RUNDC3B: variants seen among roughly 807,000 people sequenced by gnomAD.
RUNDC3B encodes RUN domain containing 3B.
RUNDC3B carries 33 observed loss-of-function variants against 58.4 expected under a neutral mutation model. The observed-to-expected ratio is 0.56, with a 90% CI of 0.43 to 0.75. The LOEUF is 0.75. Ranked by LOEUF, RUNDC3B falls within the 30% of genes least tolerant of loss-of-function variation. RUNDC3B has a pLI of 0.00. For missense variants in RUNDC3B, 501 were observed against 535.7 expected (o/e 0.94, Z 0.64); for synonymous variants, 193 against 195.2 (o/e 0.99, Z 0.10).
intron 4 of RUNDC3B, among the ~76,000 whole-genome samples, chr7:87,737,406 A>C (rs934445820): frequency 6.6e-6 from 1 of 152,108 alleles, no homozygotes; most frequent in Non-Finnish European, 1.5e-5. Context: ...GGAATATTTG[A>C]AAGTATTGAC....
At chr7:87,665,265 C>G (rs1825110225) in intron 2 of RUNDC3B, among the ~76,000 whole-genome samples, 1 of 151,928 alleles carries the variant, frequency 6.6e-6, no homozygotes, top group Admixed American at 6.6e-5. Context: ...AATCAACATA[C>G]AAAAATAAGT....
At chr7:87,784,228 C>T (rs1835088245) in intron 8 of RUNDC3B, among the ~76,000 whole-genome samples, 1 of 152,190 alleles carries the variant, frequency 6.6e-6, no homozygotes, top group Non-Finnish European at 1.5e-5. Context: ...TGATATTTCA[C>T]TCTGGTTAGG....
intron 6 of RUNDC3B, among the ~76,000 whole-genome samples, chr7:87,758,308 C>T (rs978648486): frequency 2.0e-5 from 3 of 152,060 alleles, no homozygotes; most frequent in Non-Finnish European, 4.4e-5. Flanking sequence ...AGCAACAAAG[C>T]AAAACCCAGA....
chr7:87,732,332 A>G lies in RUNDC3B; in HGVS notation c.459-7459A>G, dbSNP rs188280890. Among the ~76,000 whole-genome samples, 47 of 152,304 alleles carry G rather than the reference A, an allele frequency of 3.1e-4. No individual in the cohort carries two copies. The East Asian group carries it at 6.9e-3, about 22-fold the overall frequency. ...AAACTTGAAAAAACTACTTAATGAT[A>G]TATCTTAAAGAACTAGAAAAGAAAG... On this transcript the variant is annotated intron_variant, in intron 4 of 10. Transcript: ENST00000394654.
intron 1 of RUNDC3B, among the ~76,000 whole-genome samples, chr7:87,644,423 A>G (rs1243175554): frequency 6.6e-6 from 1 of 152,232 alleles, no homozygotes; most frequent in African/African-American, 2.4e-5. Context: ...GACATATAAT[A>G]AGGAATATTG....
chr7:87,756,278 A>G (rs1164181298), intron 6 of RUNDC3B, among the ~76,000 whole-genome samples: 3 of 152,068 alleles, frequency 2.0e-5, no homozygotes. Flanking sequence ...ATCATGTAGA[A>G]CAAGTGCTTT....
chr7:87,829,978 AC>A lies in RUNDC3B; in HGVS notation c.1321del (p.Ala442GlnfsTer7). On this transcript the variant is annotated frameshift_variant, in exon 11 of 11. Transcript: ENST00000394654. LOFTEE classifies it high-confidence loss of function. ...KSLTSLKSND[Y>X]LASPTTEMTS... ...CTAACAAGCTTAAAATCTAATGACT[AC>A]CTTGCAAGTCCTACAACAGAGATGA... 6.2e-7 allele frequency: 1 copy of A among 1,609,722 alleles called. No homozygotes were observed. Among genetic ancestry groups the A allele is most frequent in the South Asian group, 1.1e-5 (1 of 90,422 alleles).
chr7:87,827,632 C>T (rs986209818), intron 10 of RUNDC3B, among the ~76,000 whole-genome samples: 1 of 152,018 alleles, frequency 6.6e-6, no homozygotes, highest in African/African-American at 2.4e-5. Flanking sequence ...CAGGATTATA[C>T]AACAAATAAT....
chr7:87,732,566 G>A (rs971338316), intron 4 of RUNDC3B, among the ~76,000 whole-genome samples: 2 of 152,244 alleles, frequency 1.3e-5, no homozygotes, highest in East Asian at 1.9e-4. Flanking sequence ...GCAATGCAAC[G>A]GGGCTCTCTG....
chr7:87,694,117 C>A, intron 2 of RUNDC3B: 1 of 758,384 alleles, frequency 1.3e-6, no homozygotes, highest in Non-Finnish European at 1.6e-6. Context: ...TTTTTTAATC[C>A]AGAGAGCACA....
intron 1 of RUNDC3B, among the ~76,000 whole-genome samples, chr7:87,639,105 C>CG (rs1822163782): frequency 7.5e-6 from 1 of 132,630 alleles, no homozygotes; most frequent in African/African-American, 2.9e-5. Flanking sequence ...TGAGAAGAGA[C>CG]GGCACACCAC....
At chr7:87,721,225 TAA>T (rs1027711241) in intron 4 of RUNDC3B, among the ~76,000 whole-genome samples, 1 of 151,898 alleles carries the variant, frequency 6.6e-6, no homozygotes, top group Non-Finnish European at 1.5e-5. Context: ...ATGTTGTGTT[TAA>T]AAATGGGAGG....
At chr7:87,689,522 C>G (rs1043110001) in intron 2 of RUNDC3B, among the ~76,000 whole-genome samples, 3 of 152,040 alleles carry the variant, frequency 2.0e-5, no homozygotes, top group Non-Finnish European at 1.5e-5. Context: ...GCTAATATTA[C>G]TTTAGCTAAT....
Position 87,714,675 on chromosome 7 carries a change from C to T in RUNDC3B, c.458+4020C>T, listed in dbSNP as rs189757325. On this transcript the variant is annotated intron_variant, in intron 4 of 10. Coordinates refer to ENST00000394654, the MANE Select transcript of RUNDC3B (RefSeq NM_001134405.2). ...GACAACTGGTTAGACGAGAAATTCTCAGAAAGGAGTATGCCTTAACCCTAA... is the reference window on the plus strand; with the variant it reads ...GACAACTGGTTAGACGAGAAATTCTTAGAAAGGAGTATGCCTTAACCCTAA... Among the ~76,000 whole-genome samples the T allele has an allele frequency of 2.0e-5, 3 of 152,202 alleles. No individual in the cohort carries two copies. In the East Asian group the frequency reaches 5.8e-4, roughly 29 times the overall value.
chr7:87,633,681 T>TA (rs1022981448), intron 1 of RUNDC3B, among the ~76,000 whole-genome samples: 17 of 151,774 alleles, frequency 1.1e-4, no homozygotes, highest in Non-Finnish European at 1.6e-4. Flanking sequence ...TTTTTTTTTT[T>TA]AAAAAGCACC....
intron 4 of RUNDC3B, among the ~76,000 whole-genome samples, chr7:87,728,891 C>A (rs1330230455): frequency 6.6e-6 from 1 of 152,128 alleles, no homozygotes; most frequent in African/African-American, 2.4e-5. Context: ...ATGTGGTCTT[C>A]CTTCTCTTTC....
At chr7:87,773,023 T>A (rs548632413) in intron 7 of RUNDC3B, among the ~76,000 whole-genome samples, 14 of 150,878 alleles carry the variant, frequency 9.3e-5, no homozygotes, top group East Asian at 5.8e-4. Flanking sequence ...TTGCTTTTTT[T>A]AAAAAGTAAG....
intron 4 of RUNDC3B, among the ~76,000 whole-genome samples, chr7:87,715,503 T>A (rs1365844748): frequency 1.5e-5 from 2 of 135,258 alleles, no homozygotes; most frequent in African/African-American, 5.5e-5. Context: ...ATAATTATAT[T>A]ATATATAATT....
At chr7:87,719,316 A>G (rs941872553) in intron 4 of RUNDC3B, among the ~76,000 whole-genome samples, 14 of 152,026 alleles carry the variant, frequency 9.2e-5, no homozygotes, top group African/African-American at 3.1e-4. Flanking sequence ...TTAGCTCCCT[A>G]TAAGTTAATT....
Sources: gnomAD v4.1 joint callset for allele counts (sites outside exome capture counted in the v4.1 genomes callset) on GRCh38, gnomAD v4.1.1 for gene constraint, MANE v1.5 for transcripts, NCBI Gene and HGNC (gene_info 2026-07-23, HGNC 2026-07-21) for gene names.